Variants in FYB2 observed in about 807,000 individuals in gnomAD.
FYB2 encodes the protein FYN binding protein 2.
In FYB2, 103 loss-of-function variants were observed where a neutral mutation model predicts 94.1. The ratio of observed to expected loss-of-function variants is 1.09; its 90% CI spans 0.93 to 1.29. The LOEUF is 1.29. Among genes scored for constraint, FYB2 ranks in the 50% most tolerant of loss-of-function variants. The pLI is 0.00. For missense variants in FYB2, 896 were observed against 841.5 expected (o/e 1.06, Z -0.80); for synonymous variants, 293 against 287.9 (o/e 1.02, Z -0.18).
chr1:56,785,529 G>C (rs560047743), intron 4 of FYB2, among the ~76,000 whole-genome samples: 2 of 152,202 alleles, frequency 1.3e-5, no homozygotes, highest in Non-Finnish European at 2.9e-5. Flanking sequence ...TAACCCAGGA[G>C]TTCCCAGAGC....
intron 15 of FYB2, among the ~76,000 whole-genome samples, chr1:56,733,742 C>A (rs550574427): frequency 6.6e-6 from 1 of 152,246 alleles, no homozygotes; most frequent in South Asian, 2.1e-4. Flanking sequence ...TTTCTTAATC[C>A]TGAGTTCTAA....
chr1:56,767,660 T>A (rs1645655244), intron 5 of FYB2, among the ~76,000 whole-genome samples, 169 bp downstream of exon 5: 1 of 152,192 alleles, frequency 6.6e-6, no homozygotes, highest in South Asian at 2.1e-4. Context: ...CTGGATTTAT[T>A]TATATTTTTA....
chr1:56,806,985 A>G (rs1436603495), intron 1 of FYB2, among the ~76,000 whole-genome samples: 1 of 152,148 alleles, frequency 6.6e-6, no homozygotes, highest in Non-Finnish European at 1.5e-5. Flanking sequence ...GTCCTCCAAC[A>G]ACCCAATTAC....
At chr1:56,809,926 T>C (rs959634759) in intron 1 of FYB2, among the ~76,000 whole-genome samples, 2 of 152,100 alleles carry the variant, frequency 1.3e-5, no homozygotes, top group Admixed American at 6.6e-5. Flanking sequence ...AGGAATGCCA[T>C]AGACATTAAC....
At chr1:56,796,335 G>A (rs1479130260) in intron 1 of FYB2, among the ~76,000 whole-genome samples, 1 of 152,142 alleles carries the variant, frequency 6.6e-6, no homozygotes, top group Non-Finnish European at 1.5e-5. Flanking sequence ...TTTGGGAGGT[G>A]GCCATAGGGT....
At chr1:56,765,341 A>G (rs1460947414) in intron 5 of FYB2, among the ~76,000 whole-genome samples, 1 of 152,172 alleles carries the variant, frequency 6.6e-6, no homozygotes, top group Non-Finnish European at 1.5e-5. Flanking sequence ...AAGGGGAGTG[A>G]AAGTCAAAGT....
chr1:56,770,360 G>C (rs1162382468), intron 4 of FYB2, among the ~76,000 whole-genome samples: 2 of 152,170 alleles, frequency 1.3e-5, no homozygotes, highest in East Asian at 3.9e-4. Flanking sequence ...TAGTTTTATA[G>C]ACAAGTTTTA....
intron 9 of FYB2, among the ~76,000 whole-genome samples, chr1:56,749,251 G>A (rs1453767410): frequency 6.6e-6 from 1 of 151,716 alleles, no homozygotes. Context: ...TTCTCAGATA[G>A]TATTTGTTTT....
intron 1 of FYB2, among the ~76,000 whole-genome samples, chr1:56,808,408 C>T (rs1292939238): frequency 1.3e-5 from 2 of 152,180 alleles, no homozygotes; most frequent in Non-Finnish European, 2.9e-5. Flanking sequence ...AAAATTGATG[C>T]TTGACAGCCT....
At chr1:56,824,195 T>C (rs181100195), upstream of FYB2, 8 of 152,328 alleles carry the variant, frequency 5.3e-5, no homozygotes, top group African/African-American at 1.7e-4. Context: ...AACTGTGTAA[T>C]TTGTAAACAG....
At chr1:56,719,752 G>A in intron 19 of FYB2, 60 bp from the exon 20 acceptor site, 1 of 1,366,066 alleles carries the variant, frequency 7.3e-7, no homozygotes, top group East Asian at 2.6e-5. Flanking sequence ...ACAGTTGAGT[G>A]GGAGATTTCT....
intron 1 of FYB2, among the ~76,000 whole-genome samples, chr1:56,804,669 G>T (rs1022383423): frequency 2.0e-5 from 3 of 152,146 alleles, no homozygotes; most frequent in Non-Finnish European, 4.4e-5. Flanking sequence ...GGCAGAGGTT[G>T]CAGTGAGCCG....
At chr1:56,766,032 A>T (rs2100800267) in intron 5 of FYB2, among the ~76,000 whole-genome samples, 1 of 152,274 alleles carries the variant, frequency 6.6e-6, no homozygotes, top group Non-Finnish European at 1.5e-5. Flanking sequence ...GGCTCTGTGA[A>T]TTCTTAGCCT....
intron 1 of FYB2, among the ~76,000 whole-genome samples, chr1:56,799,380 T>C (rs1646469388): frequency 6.6e-6 from 1 of 152,190 alleles, no homozygotes; most frequent in Non-Finnish European, 1.5e-5. Context: ...GAGATTATGT[T>C]AAAAATGTAG....
the FYB2 span, chr1:56,826,485 A>G: frequency 2.6e-5 from 4 of 152,290 alleles, no homozygotes; most frequent in Non-Finnish European, 1.5e-5. Context: ...TGAGCTCTCC[A>G]TGCTGCATCT....
intron 15 of FYB2, among the ~76,000 whole-genome samples, chr1:56,736,396 G>A (rs1234611874): frequency 2.0e-5 from 3 of 150,632 alleles, no homozygotes; most frequent in African/African-American, 7.3e-5. Context: ...ATAAGTGACT[G>A]GAGAGGGAGC....
chr1:56,814,482 G>T (rs1646837040), intron 1 of FYB2, among the ~76,000 whole-genome samples: 1 of 152,188 alleles, frequency 6.6e-6, no homozygotes, highest in African/African-American at 2.4e-5. Flanking sequence ...TGGCTGAAAA[G>T]GACATCAGCC....
chr1:56,729,027 A>G (rs1374076995), intron 15 of FYB2, among the ~76,000 whole-genome samples: 2 of 152,166 alleles, frequency 1.3e-5, no homozygotes, highest in Non-Finnish European at 2.9e-5. Flanking sequence ...CAAGTAGTAC[A>G]GTATGGATGG....
intron 9 of FYB2, among the ~76,000 whole-genome samples, chr1:56,750,693 C>T (rs1276518134): frequency 6.6e-6 from 1 of 151,950 alleles, no homozygotes; most frequent in African/African-American, 2.4e-5. Context: ...AAAGAACAAA[C>T]ATTTGCTGAG....
Sources: allele counts gnomAD v4.1 joint callset (sites outside exome capture counted in the v4.1 genomes callset), GRCh38; gene constraint gnomAD v4.1.1; transcripts MANE v1.5; gene names NCBI Gene and HGNC (gene_info 2026-07-23, HGNC 2026-07-21).